DSCAM: variants seen among roughly 807,000 people sequenced by gnomAD.
The protein encoded by DSCAM is cell adhesion molecule DSCAM.
In DSCAM, 47 loss-of-function variants were observed where a neutral mutation model predicts 217.7. The ratio of observed to expected loss-of-function variants is 0.22; its 90% CI spans 0.17 to 0.28. The LOEUF is 0.28. Among genes scored for constraint, DSCAM ranks in the 10% least tolerant of loss-of-function variants. The pLI is 1.00. For missense variants in DSCAM, 2,080 were observed against 2,618.3 expected (o/e 0.79, Z 4.49); for synonymous variants, 1,056 against 1,015.3 (o/e 1.04, Z -0.76).
intron 3 of DSCAM, among the ~76,000 whole-genome samples, chr21:40,474,654 A>G (rs944160643): frequency 1.3e-5 from 2 of 152,126 alleles, no homozygotes; most frequent in African/African-American, 2.4e-5. Flanking sequence ...AAGATCTAAC[A>G]TGTCAGCGAA....
At chr21:40,652,155 G>A (rs1198173977) in intron 3 of DSCAM, among the ~76,000 whole-genome samples, 3 of 125,080 alleles carry the variant, frequency 2.4e-5, no homozygotes, top group Non-Finnish European at 5.1e-5. Context: ...GCCTGTTGAA[G>A]GGTGGGGGTG....
chr21:40,291,585 C>T (rs13048649), intron 10 of DSCAM, among the ~76,000 whole-genome samples: 4,519 of 152,288 alleles, frequency 0.03, 106 homozygotes, highest in Middle Eastern at 0.085. Flanking sequence ...ATCAACCTCC[C>T]GGCCTCGCCC....
At chr21:40,338,060 T>C in intron 8 of DSCAM, 41 bp downstream of exon 8, 1 of 1,602,274 alleles carries the variant, frequency 6.2e-7, no homozygotes, top group Non-Finnish European at 8.5e-7. Flanking sequence ...GTAGTCGGGC[T>C]ATGGAATGAG....
intron 3 of DSCAM, among the ~76,000 whole-genome samples, chr21:40,666,030 G>A (rs547828849): frequency 2.6e-5 from 4 of 152,234 alleles, no homozygotes; most frequent in Non-Finnish European, 4.4e-5. Flanking sequence ...CTGCTAGAGG[G>A]CCAGCTCCTC....
At chr21:40,728,419 C>CTT (rs55816910) in intron 1 of DSCAM, among the ~76,000 whole-genome samples, 2 of 145,590 alleles carry the variant, frequency 1.4e-5, no homozygotes, top group African/African-American at 5.0e-5. Flanking sequence ...ATAAATGATT[C>CTT]TTTTTTTTTT....
intron 32 of DSCAM, among the ~76,000 whole-genome samples, chr21:40,039,485 G>A (rs2088702517): frequency 6.6e-6 from 1 of 152,086 alleles, no homozygotes. Flanking sequence ...ATACAGTAAG[G>A]TTTATGAAGC....
At chr21:40,325,085 G>C (rs1386412498) in intron 8 of DSCAM, among the ~76,000 whole-genome samples, 1 of 152,138 alleles carries the variant, frequency 6.6e-6, no homozygotes, top group East Asian at 1.9e-4. Context: ...TATTTTTCAT[G>C]ACGTTGGCTT....
intron 16 of DSCAM, among the ~76,000 whole-genome samples, chr21:40,148,932 C>T (rs1215837734): frequency 2.0e-5 from 3 of 152,150 alleles, no homozygotes; most frequent in Admixed American, 1.3e-4. Flanking sequence ...ACAAACTTCA[C>T]CAACAAACCA....
rs144007938 is a variant in DSCAM, at chr21:40,424,446, A to G, written c.509-55201T>C. Among the ~76,000 whole-genome samples, 252 of 152,298 alleles carry G rather than the reference A, an allele frequency of 1.7e-3. 1 individual carries two copies. The highest frequency in any genetic ancestry group is 5.5e-3 in the Admixed American group (84 of 15,302). On this transcript the variant is annotated intron_variant, in intron 3 of 32. Transcript: ENST00000400454. ...CAGCCGTGTGACTGGCGTGATGTCT[A>G]TAATACAAACCAACAAGAGCAAGGC...
intron 32 of DSCAM, among the ~76,000 whole-genome samples, chr21:40,018,451 G>C (rs2088204065): frequency 6.6e-6 from 1 of 151,968 alleles, no homozygotes; most frequent in Non-Finnish European, 1.5e-5. Context: ...AAATATATAG[G>C]TCAAGAATGC....
intron 1 of DSCAM, among the ~76,000 whole-genome samples, chr21:40,818,102 CAAAAAAAAAAAA>C (rs35894315): frequency 7.7e-5 from 4 of 52,246 alleles, no homozygotes; most frequent in East Asian, 1.2e-3. Context: ...GACTCCGTCT[CAAAAAAAAAAAA>C]AAAAAAAAAA....
intron 3 of DSCAM, among the ~76,000 whole-genome samples, chr21:40,473,840 G>A (rs1234539291): frequency 6.6e-6 from 1 of 152,122 alleles, no homozygotes; most frequent in African/African-American, 2.4e-5. Flanking sequence ...ACAGAGAGGA[G>A]GTGCCATCTA....
At position 40,498,698 on chromosome 21, in the gene DSCAM, G is replaced by GGGTGTATATATATATATATAT; in HGVS notation, c.509-129454_509-129453insATATATATATATATATACACC. On this transcript the variant is annotated intron_variant, in intron 3 of 32. Coordinates refer to ENST00000400454, the MANE Select transcript of DSCAM (RefSeq NM_001389.5). ...ATATATATATATATATATATATATA[G>GGGTGTATATATATATATATAT]ATATATATATATGGGTGTATATATA... Among the ~76,000 whole-genome samples the GGGTGTATATATATATATATAT allele has an allele frequency of 2.2e-4, 2 of 9,280 alleles. 1 individual carries two copies. The highest frequency in any genetic ancestry group is 6.5e-3 in the East Asian group (2 of 308). The allele number at this position is 9,280 out of a possible 152,430, so 6.1% of individuals were successfully genotyped here.
intron 3 of DSCAM, among the ~76,000 whole-genome samples, chr21:40,457,798 A>G (rs540130494): frequency 2.0e-5 from 3 of 152,198 alleles, no homozygotes; most frequent in Non-Finnish European, 4.4e-5. Flanking sequence ...GGTAAGTTTT[A>G]AAGTATTTAC....
intron 3 of DSCAM, among the ~76,000 whole-genome samples, chr21:40,396,492 T>C (rs1304959162): frequency 6.6e-6 from 1 of 152,160 alleles, no homozygotes; most frequent in Non-Finnish European, 1.5e-5. Flanking sequence ...GTGAAGAATA[T>C]TTCAGATGGG....
intron 11 of DSCAM, among the ~76,000 whole-genome samples, chr21:40,246,055 GCTCATGGGAACA>G (rs1213661573): frequency 6.6e-6 from 1 of 151,926 alleles, no homozygotes; most frequent in Non-Finnish European, 1.5e-5. Context: ...CCTCTGCTCA[GCTCATGGGAACA>G]CTCATTCTAT....
At chr21:40,428,214 T>G (rs963451291) in intron 3 of DSCAM, among the ~76,000 whole-genome samples, 1 of 151,326 alleles carries the variant, frequency 6.6e-6, no homozygotes, top group African/African-American at 2.4e-5. Context: ...CTCAACTGTG[T>G]GACCATGAGG....
intron 28 of DSCAM, among the ~76,000 whole-genome samples, chr21:40,056,132 TAAATGAAAC>T (rs1316467506): frequency 6.6e-6 from 1 of 152,192 alleles, no homozygotes; most frequent in Non-Finnish European, 1.5e-5. Context: ...GTGTAAATGC[TAAATGAAAC>T]AAATGAAAAG....
At chr21:40,617,553 T>C (rs1426282896) in intron 3 of DSCAM, among the ~76,000 whole-genome samples, 2 of 152,232 alleles carry the variant, frequency 1.3e-5, no homozygotes, top group East Asian at 3.9e-4. Flanking sequence ...GTACTGTAAC[T>C]GAGACTAGGG....
Sources: allele counts gnomAD v4.1 joint callset (sites outside exome capture counted in the v4.1 genomes callset), GRCh38; gene constraint gnomAD v4.1.1; transcripts MANE v1.5; gene names NCBI Gene and HGNC (gene_info 2026-07-23, HGNC 2026-07-21).